The following SPATA13 variants were observed in gnomAD, a reference collection of about 807,000 sequenced individuals.
The protein encoded by SPATA13 is spermatogenesis-associated protein 13.
In SPATA13, 50 loss-of-function variants were observed where a neutral mutation model predicts 104.0. The ratio of observed to expected loss-of-function variants is 0.48; its 90% CI spans 0.38 to 0.61. The LOEUF is 0.61. SPATA13 is among the 20% of genes least tolerant of loss of function. The pLI is 0.00. For synonymous variants in SPATA13, 606 were observed against 667.5 expected (o/e 0.91, Z 1.42); for missense variants, 1,524 against 1,690.6 (o/e 0.90, Z 1.73).
At chr13:24,008,299 C>T (rs1183469232) in intron 2 of SPATA13, among the ~76,000 whole-genome samples, 1 of 152,234 alleles carries the variant, frequency 6.6e-6, no homozygotes, top group Non-Finnish European at 1.5e-5. Context: ...GGCTGAGGGG[C>T]TCTTCTTTCA....
At chr13:24,263,369 C>T (rs982722953) in intron 4 of SPATA13, among the ~76,000 whole-genome samples, 2 of 152,144 alleles carry the variant, frequency 1.3e-5, no homozygotes, top group African/African-American at 2.4e-5. Flanking sequence ...GTGGGGATGC[C>T]GTGAGCCTTG....
intron 1 of SPATA13, among the ~76,000 whole-genome samples, chr13:24,165,174 C>T (rs1882670527): frequency 6.6e-6 from 1 of 152,180 alleles, no homozygotes; most frequent in Admixed American, 6.5e-5. Flanking sequence ...GGTGAGCAAT[C>T]ACTTCCACCC....
chr13:24,079,044 C>T (rs1455228317), intron 3 of SPATA13, among the ~76,000 whole-genome samples: 3 of 152,052 alleles, frequency 2.0e-5, no homozygotes, highest in Non-Finnish European at 4.4e-5. Context: ...TTGGCCTAAC[C>T]AGAAAATTGG....
At chr13:24,247,863 G>T (rs1873245405) in intron 2 of SPATA13, among the ~76,000 whole-genome samples, 2 of 152,136 alleles carry the variant, frequency 1.3e-5, no homozygotes, top group Admixed American at 6.5e-5. Flanking sequence ...GGGGCCCGGG[G>T]TCTCTTGTCA....
chr13:24,135,693 G>A (rs375403006), intron 3 of SPATA13, among the ~76,000 whole-genome samples: 44 of 85,512 alleles, frequency 5.1e-4, no homozygotes, highest in African/African-American at 1.6e-3. Context: ...GCAAGAATCC[G>A]TCTCAAAAAA....
intron 3 of SPATA13, among the ~76,000 whole-genome samples, chr13:24,054,116 A>G (rs746386588): frequency 2.0e-5 from 3 of 152,028 alleles, no homozygotes; most frequent in Non-Finnish European, 4.4e-5. Context: ...GAGGAGGTGA[A>G]GAAGCCCACA....
chr13:24,155,144 G>C (rs112552073), intron 3 of SPATA13, among the ~76,000 whole-genome samples: 1 of 152,120 alleles, frequency 6.6e-6, no homozygotes, highest in Non-Finnish European at 1.5e-5. Flanking sequence ...CACCTTGCCC[G>C]GTTGGTTATT....
intron 3 of SPATA13, chr13:24,034,858 A>G (rs1478224162): frequency 1.3e-5 from 2 of 152,252 alleles, no homozygotes; most frequent in Non-Finnish European, 2.9e-5. Context: ...TGAGCTGACA[A>G]TGGGCACAGC....
chr13:24,021,741 TCA>T (rs1254050095), intron 3 of SPATA13, among the ~76,000 whole-genome samples: 7 of 151,764 alleles, frequency 4.6e-5, no homozygotes, highest in Non-Finnish European at 8.8e-5. Context: ...AGATGGAGTC[TCA>T]CTCTGTCGCC....
chr13:24,201,031 TCACACA>T lies in SPATA13; in HGVS notation c.-111-21757_-111-21752del, dbSNP rs10529866. 8.7e-3 allele frequency among the ~76,000 whole-genome samples: 1,307 copies of T among 150,388 alleles called. 24 individuals carry two copies. The highest frequency in any genetic ancestry group is 0.028 in the African/African-American group (1,124 of 40,570). On this transcript the variant is annotated intron_variant, in intron 1 of 12. Coordinates refer to ENST00000382108, the MANE Select transcript of SPATA13 (RefSeq NM_001166271.3). ...GTGAATTTTAAATTCAGCTAGTCAG[TCACACA>T]CACACACACACACACACACACACAC...
At position 24,108,046 on chromosome 13, in the gene SPATA13, G is replaced by A. The variant is rs575072611; in HGVS notation, c.-112+90345G>A. On this transcript the variant is annotated intron_variant, in intron 3 of 14. Transcript: ENST00000424834. ...CCAAGATCAGGGCACTGGTAGGCTC[G>A]GTGTCTGGATAGGGCCTGATCCTGG... 1.7e-3 allele frequency among the ~76,000 whole-genome samples: 257 copies of A among 152,298 alleles called. 1 individual carries two copies. The highest frequency in any genetic ancestry group is 6.8e-3 in the Middle Eastern group (2 of 294).
chr13:24,124,356 C>A (rs1196543656), intron 3 of SPATA13, among the ~76,000 whole-genome samples: 3 of 152,138 alleles, frequency 2.0e-5, no homozygotes, highest in Non-Finnish European at 4.4e-5. Context: ...TACAGACTCC[C>A]AGGGAGCAGG....
intron 1 of SPATA13, among the ~76,000 whole-genome samples, chr13:24,165,092 C>A (rs1038351621): frequency 1.3e-5 from 2 of 152,178 alleles, no homozygotes; most frequent in African/African-American, 4.8e-5. Context: ...GTCCTGTGGT[C>A]ATCATGTTCC....
rs747568852 is a variant in SPATA13 at position 24,302,665 on chromosome 13, T to A, written c.3726T>A (p.Thr1242=). The A allele has an allele frequency of 6.2e-7, 1 of 1,613,880 alleles. No individual in the cohort carries two copies. The highest frequency in any genetic ancestry group is 2.2e-5 in the East Asian group (1 of 44,884). ...GLHPIHQRHI[T]MPTSVPQQQV... is the part of the protein sequence containing the mutation. ...ACCCCATCCACCAGCGCCACATCAC[T>A]ATGCCCACAAGCGTCCCCCAGCAGC... The change falls in exon 13 of 13, where the codon ACT becomes ACA. Residue 1242 remains threonine, a synonymous_variant. Transcript: ENST00000382108.
At chr13:24,105,711 G>A (rs9580868) in intron 3 of SPATA13, among the ~76,000 whole-genome samples, 1 of 152,046 alleles carries the variant, frequency 6.6e-6, no homozygotes, top group Non-Finnish European at 1.5e-5. Context: ...ACATTCATAG[G>A]TCAAAGCCCT....
At chr13:24,290,327 G>T (rs1273407384) in intron 8 of SPATA13, among the ~76,000 whole-genome samples, 1 of 152,184 alleles carries the variant, frequency 6.6e-6, no homozygotes, top group Non-Finnish European at 1.5e-5. Flanking sequence ...TTGTGGGAGG[G>T]GGACGTTAGA....
intron 2 of SPATA13, among the ~76,000 whole-genome samples, chr13:23,985,560 G>A (rs955572477): frequency 6.6e-6 from 1 of 152,210 alleles, no homozygotes; most frequent in Non-Finnish European, 1.5e-5. Flanking sequence ...CTCTGGTTGT[G>A]TCTGCCCCAG....
chr13:24,122,381 T>TG, intron 3 of SPATA13: 1 of 1,573,430 alleles, frequency 6.4e-7, no homozygotes, highest in Non-Finnish European at 8.7e-7. Context: ...TCATCATCAA[T>TG]GATTGTGGAA....
Position 24,031,653 on chromosome 13 carries a change from G to T in SPATA13, c.-112+13952G>T, listed in dbSNP as rs150493032. ...TGAACATACATTGAGCTTATGTCAG[G>T]CACTGTAGATGCAAAAATAGCTAAG... On this transcript the variant is annotated intron_variant, in intron 3 of 14. Coordinates refer to the SPATA13 transcript ENST00000424834. 8.3e-4 allele frequency among the ~76,000 whole-genome samples: 127 copies of T among 152,260 alleles called. 1 individual carries two copies. Among genetic ancestry groups the T allele is most frequent in the African/African-American group, 2.8e-3 (115 of 41,560 alleles).
Sources: gnomAD v4.1 joint callset for allele counts (sites outside exome capture counted in the v4.1 genomes callset) on GRCh38, gnomAD v4.1.1 for gene constraint, MANE v1.5 for transcripts, NCBI Gene and HGNC (gene_info 2026-07-23, HGNC 2026-07-21) for gene names.